Variants in ZBBX observed in about 807,000 individuals in gnomAD.
The protein encoded by ZBBX is zinc finger B-box domain containing.
Under a neutral mutation model 108.5 loss-of-function variants are expected in ZBBX, and 101 were observed. The observed-to-expected ratio is 0.93, with a 90% confidence interval of 0.79 to 1.10. The LOEUF (loss-of-function observed/expected upper bound fraction) is 1.10, where lower values mean the gene tolerates loss of function less well. ZBBX is among the 50% of genes least tolerant of loss of function. The pLI, the probability that ZBBX is intolerant of heterozygous loss-of-function variation, is 0.00. For missense variants in ZBBX, 1,009 were observed against 941.4 expected (o/e 1.07, Z -0.94); for synonymous variants, 356 against 323.4 (o/e 1.10, Z -1.08).
At chr3:167,398,077 G>GA (rs1171239002) in intron 1 of ZBBX, among the ~76,000 whole-genome samples, 2 of 150,120 alleles carry the variant, frequency 1.3e-5, no homozygotes, top group Admixed American at 6.7e-5. Context: ...TACAAGATGA[G>GA]AAAAAAAAAT....
At chr3:167,351,171 G>C (rs1017973063) in intron 8 of ZBBX, among the ~76,000 whole-genome samples, 17 of 151,786 alleles carry the variant, frequency 1.1e-4, no homozygotes, top group African/African-American at 3.9e-4. Context: ...ATGATTATGG[G>C]CAAGTTTATA....
chr3:167,350,301 G>A (rs1742402970), intron 9 of ZBBX, 119 bp downstream of exon 9: 1 of 694,296 alleles, frequency 1.4e-6, no homozygotes, highest in African/African-American at 1.8e-5. Flanking sequence ...GTATATAATA[G>A]AATTTTAGAA....
chr3:167,384,421 T>C (rs1290320145), upstream of ZBBX, among the ~76,000 whole-genome samples: 1 of 152,042 alleles, frequency 6.6e-6, no homozygotes, highest in African/African-American at 2.4e-5. Context: ...ATGGTACTGA[T>C]AACCAGCCGT....
intron 20 of ZBBX, chr3:167,252,190 A>G: frequency 7.8e-7 from 1 of 1,289,696 alleles, no homozygotes; most frequent in Non-Finnish European, 1.0e-6. Flanking sequence ...CATAGAACTT[A>G]GAAAGAAGAA....
the ZBBX span, among the ~76,000 whole-genome samples, chr3:167,210,931 T>TG: frequency 6.6e-6 from 1 of 151,692 alleles, no homozygotes; most frequent in South Asian, 2.1e-4. Flanking sequence ...GTCATCAGTA[T>TG]GAAAAAAAAA....
chr3:167,345,235 C>T (rs116269291), intron 9 of ZBBX, among the ~76,000 whole-genome samples: 2,333 of 151,588 alleles, frequency 0.015, 80 homozygotes, highest in African/African-American at 0.053. Flanking sequence ...ATGAACAAGA[C>T]AAAAAAGAGT....
At chr3:167,205,950 G>A in the ZBBX span, among the ~76,000 whole-genome samples, 2 of 152,042 alleles carry the variant, frequency 1.3e-5, no homozygotes, top group Admixed American at 6.6e-5. Context: ...ACAGCAAAAT[G>A]AATACTTAAC....
At chr3:167,364,205 A>G (rs1158822782) in intron 6 of ZBBX, among the ~76,000 whole-genome samples, 3 of 151,746 alleles carry the variant, frequency 2.0e-5, no homozygotes, top group Non-Finnish European at 4.4e-5. Flanking sequence ...AAAATACGCA[A>G]AAACAACAAC....
chr3:167,217,525 T>C, the ZBBX span, among the ~76,000 whole-genome samples: 1 of 152,126 alleles, frequency 6.6e-6, no homozygotes, highest in Non-Finnish European at 1.5e-5. Context: ...GAGTGTAAAT[T>C]AGTTCAATCT....
At chr3:167,282,549 A>AGGAACAGCTCCGGTCTACAGCT in intron 19 of ZBBX, 54 bp from the exon 20 acceptor site, 2 of 1,442,414 alleles carry the variant, frequency 1.4e-6, no homozygotes, top group South Asian at 2.6e-5. Flanking sequence ...TTGAATGAGT[A>AGGAACAGCTCCGGTCTACAGCT]CTTAAAGATA....
At chr3:167,377,145 A>G (rs1747087890) in intron 2 of ZBBX, among the ~76,000 whole-genome samples, 1 of 152,192 alleles carries the variant, frequency 6.6e-6, no homozygotes, top group African/African-American at 2.4e-5. Flanking sequence ...CACACAAAAT[A>G]CCCAATATAA....
intron 20 of ZBBX, among the ~76,000 whole-genome samples, chr3:167,267,613 C>T (rs767960316): frequency 6.6e-6 from 1 of 151,886 alleles, no homozygotes; most frequent in Non-Finnish European, 1.5e-5. Context: ...CTCCTCAAGC[C>T]CTCAATCTTC....
rs946141983 is a variant in ZBBX at position 167,368,660 on chromosome 3, A to C, written c.69-86T>G. 9.1e-6 allele frequency: 12 copies of C among 1,317,880 alleles called. No homozygotes were observed. The African/African-American group carries it at 1.7e-4, about 19-fold the overall frequency. 81.6% of individuals were successfully genotyped at this position (1,317,880 alleles called of 1,614,324 possible). On this transcript the variant is annotated intron_variant, in intron 4 of 21. Coordinates refer to ENST00000675490, the MANE Select transcript of ZBBX (RefSeq NM_001199201.2). The stretch of plus-strand genomic sequence containing the variant: ...TATAATCTTTTCCTGTTAAATTAGA[A>C]TCATGAATAATAAATAAAATATTTT...
intron 16 of ZBBX, among the ~76,000 whole-genome samples, chr3:167,309,342 G>A (rs1734195939): frequency 6.6e-6 from 1 of 152,154 alleles, no homozygotes; most frequent in African/African-American, 2.4e-5. Flanking sequence ...GCTGCACTAG[G>A]CAGTGCCCCA....
At chr3:167,183,592 T>A in the ZBBX span, among the ~76,000 whole-genome samples, 4 of 152,184 alleles carry the variant, frequency 2.6e-5, no homozygotes, top group African/African-American at 9.7e-5. Context: ...AAGCCGCCAG[T>A]GATAAGCATT....
chr3:167,253,753 A>C (rs1723004100), intron 20 of ZBBX, among the ~76,000 whole-genome samples: 1 of 152,242 alleles, frequency 6.6e-6, no homozygotes, highest in African/African-American at 2.4e-5. Context: ...AGCATAGGCA[A>C]GTGAAATCCA....
Position 167,305,744 on chromosome 3 carries a change from T to C in ZBBX, c.1624A>G (p.Ile542Val), listed in dbSNP as rs1399612888. The change falls in exon 17 of 22, where the codon ATT becomes GTT. Residue 542 changes from isoleucine to valine, a missense_variant. Transcript: ENST00000675490. The stretch of plus-strand genomic sequence containing the variant: ...ATGTCTTGAGATAATTTCTCCTCAA[T>C]GGGAGCTTTTTCTAAATCTCTACCT... ...LLGRDLEKAP[I>V]EEKLSQDIKE... is the part of the protein sequence containing the mutation. The C allele has an allele frequency of 1.2e-6, 2 of 1,612,648 alleles. No individual in the cohort carries two copies. Among genetic ancestry groups the C allele is most frequent in the Admixed American group, 1.7e-5 (1 of 59,904 alleles).
Position 167,288,877 on chromosome 3 carries a change from C to A in ZBBX, c.1986G>T (p.Gln662His). 1 of 1,531,210 alleles carries A rather than the reference C, an allele frequency of 6.5e-7. No homozygotes were observed. The highest frequency in any genetic ancestry group is 1.2e-5 in the South Asian group (1 of 80,662). 94.9% of individuals were successfully genotyped at this position (1,531,210 alleles called of 1,614,324 possible). A position where few individuals can be genotyped will look rare whatever the true frequency, so the allele number is the denominator to read the frequency against. The change falls in exon 19 of 22, where the codon CAG becomes CAT. Residue 662 changes from glutamine to histidine, a missense_variant. Physicochemically the swap from Gln to His is conservative, Grantham distance 24. Transcript: ENST00000675490. ...GAQSPSSSRK[Q>H]QKMGQKSQRP... ...TTGAGTCAATGTTACCCATCTTTTG[C>A]TGTTTTCTACTTGATGATGGACTCT...
chr3:167,254,782 G>C (rs1723183932), intron 20 of ZBBX, among the ~76,000 whole-genome samples: 1 of 151,886 alleles, frequency 6.6e-6, no homozygotes, highest in African/African-American at 2.4e-5. Context: ...CTGAATTATT[G>C]ACACTAAAAC....
Sources: allele counts gnomAD v4.1 joint callset (sites outside exome capture counted in the v4.1 genomes callset), GRCh38; gene constraint gnomAD v4.1.1; transcripts MANE v1.5; gene names NCBI Gene and HGNC (gene_info 2026-07-23, HGNC 2026-07-21).